NOTCH2: variants seen among roughly 807,000 people sequenced by gnomAD.
The protein encoded by NOTCH2 is notch receptor 2, also known as neurogenic locus notch homolog protein 2.
NOTCH2 carries 29 observed loss-of-function variants against 235.8 expected under a neutral mutation model. The observed-to-expected ratio is 0.12, with a 90% confidence interval of 0.09 to 0.17. NOTCH2 has a LOEUF of 0.17. Ranked by LOEUF, NOTCH2 falls within the 10% of genes least tolerant of loss-of-function variation. The pLI is 1.00. For missense variants in NOTCH2, 2,285 were observed against 3,150.2 expected, an observed-to-expected ratio of 0.73 and a Z score of 6.57; for synonymous variants, 1,086 against 1,141.5, an observed-to-expected ratio of 0.95 and a Z score of 0.98.
In NOTCH2 at chr1:119,925,815, G is replaced by T. The variant is rs1309701372; in HGVS notation, c.4006-5C>A. 1.2e-6 allele frequency: 2 copies of T among 1,613,988 alleles called. No homozygotes were observed. Among genetic ancestry groups the T allele is most frequent in the Non-Finnish European group, 1.7e-6 (2 of 1,179,992 alleles). On this transcript the variant is annotated splice_polypyrimidine_tract_variant and splice_region_variant and intron_variant, in intron 24 of 33. Coordinates refer to ENST00000256646, the MANE Select transcript of NOTCH2 (RefSeq NM_024408.4). ...GCACCTTGCCCCGGAAAATCCCTGT[G>T]GAAATCAGTGAGGAAATAAAAATGG...
intron 17 of NOTCH2, among the ~76,000 whole-genome samples, chr1:119,942,931 G>A (rs1286808225): frequency 6.8e-6 from 1 of 147,716 alleles, no homozygotes; most frequent in Non-Finnish European, 1.5e-5. Context: ...GGAGTGCAGT[G>A]GCACAATCTT....
chr1:119,925,583 A>G lies in NOTCH2; in HGVS notation c.4233T>C (p.Cys1411=). The change falls in exon 25 of 34, where the codon TGT becomes TGC. Residue 1411 remains cysteine (C), a synonymous_variant. Transcript: ENST00000256646. ...QCAPPFSGSR[C]ELYTAPPSTP... is the part of the protein sequence containing the mutation. The stretch of plus-strand genomic sequence containing the variant: ...TGCTGGGGGGTGCCGTGTAGAGTTC[A>G]CAGCGGCTACCCGAGAATGGTGGGG... The G allele has an allele frequency of 6.2e-7, 1 of 1,614,098 alleles. No individual in the cohort carries two copies. Among genetic ancestry groups the G allele is most frequent in the Non-Finnish European group, 8.5e-7 (1 of 1,180,006 alleles).
chr1:119,926,363 A>T, intron 24 of NOTCH2, 136 bp downstream of exon 24: 1 of 768,228 alleles, frequency 1.3e-6, no homozygotes, highest in Non-Finnish European at 2.3e-6. Context: ...AAACCCAAGC[A>T]CTTTCCTCTG....
chr1:119,941,762 A>T lies in NOTCH2; in HGVS notation c.2753-8T>A. 2 of 1,596,814 alleles carry T rather than the reference A, an allele frequency of 1.3e-6. No homozygotes were observed. The highest frequency in any genetic ancestry group is 3.3e-5 in the Admixed American group (2 of 60,000). On this transcript the variant is annotated splice_polypyrimidine_tract_variant and splice_region_variant and intron_variant, in intron 17 of 33. Transcript: ENST00000256646. ...CTCCATTCTGGCAAGGATCTAAGCC[A>T]TTACAAAAGAATTAGACCTCTGAAG... is the stretch of plus-strand genomic sequence containing the variant.
chr1:119,950,180 CAGATTCAAAGAGACCTACAGGT>C lies in NOTCH2; in HGVS notation c.2479+522_2479+543del, dbSNP rs587698853. ...AAAAGGCCATTAAGAGGAAAAGCTTCAGATTCAAAGAGACCTACAGGTAAATCCTAGATGTACTACTTACCTA... is the reference window on the plus strand; with the variant it reads ...AAAAGGCCATTAAGAGGAAAAGCTTCAAATCCTAGATGTACTACTTACCTA... On this transcript the variant is annotated intron_variant, in intron 15 of 33. Transcript: ENST00000256646. The C allele has an allele frequency of 8.5e-4, 258 of 302,158 alleles. 1 individual carries two copies. Among genetic ancestry groups the C allele is most frequent in the African/African-American group, 5.3e-3 (242 of 45,680 alleles). The allele number at this position is 302,158 out of a possible 1,614,324, so 18.7% of individuals were successfully genotyped here. A position where few individuals can be genotyped will look rare whatever the true frequency, so the allele number is the denominator to read the frequency against.
rs1386606005 is a variant in NOTCH2 at position 119,916,067 on chromosome 1, G to A, written c.6655C>T (p.Pro2219Ser). ...PLAHGASTVL[P>S]SVSQLLSHHH... is the part of the protein sequence containing the mutation. ...TGGGATAGCAACTGGCTCACTGAGG[G>A]AAGCACAGTGCTGGCCCCATGTGCC... The change falls in exon 34 of 34, where the codon CCC becomes TCC. Residue 2219 changes from proline (P) to serine (S), a missense_variant. This residue lies in a region of NOTCH2 where 504 missense variants were observed against 538.0 expected (regional missense o/e 0.94). Coordinates refer to ENST00000256646, the MANE Select transcript of NOTCH2 (RefSeq NM_024408.4). 1.9e-6 allele frequency: 3 copies of A among 1,613,924 alleles called. No homozygotes were observed. The highest frequency in any genetic ancestry group is 2.5e-6 in the Non-Finnish European group (3 of 1,180,036).
intron 4 of NOTCH2, chr1:119,995,460 T>C (rs1438542661): frequency 1.3e-5 from 2 of 152,192 alleles, no homozygotes; most frequent in African/African-American, 4.8e-5. Context: ...ATTAGATTAC[T>C]AGAATATCAG....
chr1:119,931,498 G>GA (rs1356846189), intron 22 of NOTCH2, among the ~76,000 whole-genome samples: 3 of 151,266 alleles, frequency 2.0e-5, no homozygotes, highest in South Asian at 2.1e-4. Context: ...AAAATTATGT[G>GA]AAAAAAAATA....
intron 9 of NOTCH2, 105 bp downstream of exon 9, chr1:119,966,271 G>T: frequency 1.2e-6 from 1 of 813,556 alleles, no homozygotes; most frequent in South Asian, 1.3e-5. Flanking sequence ...TTACTCTAAT[G>T]ATTTCCTCAT....
At chr1:119,968,897 C>T (rs1651252384) in intron 6 of NOTCH2, among the ~76,000 whole-genome samples, 1 of 152,228 alleles carries the variant, frequency 6.6e-6, no homozygotes, top group Non-Finnish European at 1.5e-5. Flanking sequence ...TTTGGAAAGG[C>T]CTCCATGAAA....
Position 119,916,379 on chromosome 1 carries a change from T to G in NOTCH2, c.6343A>C (p.Ser2115Arg), listed in dbSNP as rs34891988. ...RPSAKSTMPT[S>R]LPNLAKEAKD... ...GCCTCCTTGGCAAGGTTAGGGAGGC[T>G]AGTAGGCATGGTACTCTTGGCACTG... The change falls in exon 34 of 34, where the codon AGC becomes CGC. Residue 2115 changes from serine (S) to arginine (R), a missense_variant. Around this residue, in one of 6 missense-constraint regions of NOTCH2, gnomAD observed 504 missense variants for 538.0 expected, o/e 0.94. Transcript: ENST00000256646. 6.2e-7 allele frequency: 1 copy of G among 1,614,072 alleles called. No individual in the cohort carries two copies. The highest frequency in any genetic ancestry group is 8.5e-7 in the Non-Finnish European group (1 of 1,180,038).
At chr1:120,014,678 G>A (rs1456171860) in intron 2 of NOTCH2, among the ~76,000 whole-genome samples, 1 of 118,410 alleles carries the variant, frequency 8.4e-6, no homozygotes, top group African/African-American at 3.4e-5. Context: ...AGATTTCAAC[G>A]AAGCTGGGAT....
intron 9 of NOTCH2, 46 bp from the exon 10 acceptor site, chr1:119,965,612 T>C (rs371256447): frequency 8.6e-6 from 11 of 1,282,202 alleles, no homozygotes; most frequent in Non-Finnish European, 1.3e-5. Flanking sequence ...TTATCTTGTG[T>C]CTCCCTTTAC....
At chr1:119,973,360 A>C (rs1463139313) in intron 5 of NOTCH2, among the ~76,000 whole-genome samples, 3 of 152,134 alleles carry the variant, frequency 2.0e-5, no homozygotes, top group Non-Finnish European at 4.4e-5. Flanking sequence ...CTGCTATGAT[A>C]TAACAACTCC....
In NOTCH2 at chr1:119,955,264, C is replaced by T. The variant is rs1553198275; in HGVS notation, c.2027-32G>A. On this transcript the variant is annotated intron_variant, in intron 12 of 33. Coordinates refer to ENST00000256646, the MANE Select transcript of NOTCH2 (RefSeq NM_024408.4). ...AGAAGGGGGACAGTGTTAGTCACAT[C>T]CTAAATGCTTAGGAAATAGACCCAG... 3.1e-6 allele frequency: 5 copies of T among 1,605,674 alleles called. No individual in the cohort carries two copies. The East Asian group carries it at 6.7e-5, about 21-fold the overall frequency.
chr1:119,989,362 G>A (rs1652143249), intron 4 of NOTCH2, among the ~76,000 whole-genome samples: 1 of 151,804 alleles, frequency 6.6e-6, no homozygotes, highest in South Asian at 2.1e-4. Context: ...AGACCTAAAG[G>A]TAGGTGGTAA....
chr1:119,997,064 T>C lies in NOTCH2; in HGVS notation c.684A>G (p.Ser228=), dbSNP rs2261101. 30 of 1,613,888 alleles carry C rather than the reference T, an allele frequency of 1.9e-5. No homozygotes were observed. Among genetic ancestry groups the C allele is most frequent in the Admixed American group, 1.0e-4 (6 of 60,018 alleles). ...GACAGGTGCCTCCATTGACACAAGGTGAGGGTGCACAGGGCACATACAGGC... is the reference window on the plus strand; with the variant it reads ...GACAGGTGCCTCCATTGACACAAGGCGAGGGTGCACAGGGCACATACAGGC... ...CDSLYVPCAP[S]PCVNGGTCRQ... The change falls in exon 4 of 34, where the codon TCA becomes TCG. Residue 228 remains serine (S), a synonymous_variant. Coordinates refer to ENST00000256646, the MANE Select transcript of NOTCH2 (RefSeq NM_024408.4).
At chr1:119,969,436 G>A in intron 6 of NOTCH2, 75 bp downstream of exon 6, 1 of 1,211,486 alleles carries the variant, frequency 8.3e-7, no homozygotes, top group Non-Finnish European at 1.2e-6. Flanking sequence ...ATGCTGTTTG[G>A]GATGAAAGAG....
intron 12 of NOTCH2, among the ~76,000 whole-genome samples, chr1:119,959,105 G>T (rs1389876436): frequency 6.6e-6 from 1 of 152,050 alleles, no homozygotes; most frequent in Non-Finnish European, 1.5e-5. Context: ...CATAGCTTTG[G>T]AAGCAATGTA....
Sources: gnomAD v4.1 joint callset for allele counts (sites outside exome capture counted in the v4.1 genomes callset) on GRCh38, gnomAD v4.1.1 for gene constraint, gnomAD v4.1.1 regional missense constraint, MANE v1.5 for transcripts, NCBI Gene and HGNC (gene_info 2026-07-23, HGNC 2026-07-21) for gene names.